The following SGSM3 variants were observed in gnomAD, a reference collection of about 807,000 sequenced individuals.
SGSM3 encodes small G protein signaling modulator 3, also known as RUN and SH3 containing 3.
In SGSM3, 96 loss-of-function variants were observed where a neutral mutation model predicts 100.5. The observed-to-expected ratio is 0.96, with a 90% confidence interval of 0.81 to 1.13. The LOEUF is 1.13. Ranked by LOEUF, SGSM3 falls within the 50% of genes most tolerant of loss-of-function variation. SGSM3 has a pLI of 0.00. For synonymous variants in SGSM3, 483 were observed against 422.8 expected (o/e 1.14, Z -1.75); for missense variants, 1,001 against 1,015.8 (o/e 0.99, Z 0.20).
Position 40,409,928 on chromosome 22 carries a change from G to A in SGSM3, c.*169G>A, listed in dbSNP as rs2052372473. ...GCACATCCCAGGTGGTGGGAGCAGA[G>A]GGTACCCTGCCCCACCAGGGTCCTT... On this transcript the variant is annotated 3_prime_UTR_variant, in exon 22 of 22. Coordinates refer to ENST00000248929, the MANE Select transcript of SGSM3 (RefSeq NM_015705.6). 1 of 1,407,080 alleles carries A rather than the reference G, an allele frequency of 7.1e-7. No homozygotes were observed. The highest frequency in any genetic ancestry group is 1.7e-5 in the South Asian group (1 of 59,914). The allele number at this position is 1,407,080 out of a possible 1,614,324, so 87.2% of individuals were successfully genotyped here. A position where few individuals can be genotyped will look rare whatever the true frequency, so the allele number is the denominator to read the frequency against.
Position 40,402,168 on chromosome 22 carries a change from C to T in SGSM3, c.120C>T (p.Phe40=). ...QKEESAEQPE[F]YYDEFGFRVY... ...AAGAGTCAGCAGAGCAACCAGAGTT[C>T]TACTACGATGAGTTTGGTTTCCGTG... Residue 40 remains phenylalanine, a synonymous_variant, in exon 4 of 22, where the codon TTC becomes TTT. Transcript: ENST00000248929. 1 of 1,614,008 alleles carries T rather than the reference C, an allele frequency of 6.2e-7. No individual in the cohort carries two copies. Among genetic ancestry groups the T allele is most frequent in the Non-Finnish European group, 8.5e-7 (1 of 1,179,876 alleles).
Position 40,405,176 on chromosome 22 carries a change from C to T in SGSM3, c.510C>T (p.Asn170=), listed in dbSNP as rs371621662. The change falls in exon 7 of 22, where the codon AAC becomes AAT. Residue 170 remains asparagine, a synonymous_variant. Coordinates refer to ENST00000248929, the MANE Select transcript of SGSM3 (RefSeq NM_015705.6). ...ACCTGCTCCGCACCATGCCCAGCAA[C>T]GCCTGCTTCGCCAGCATGGGTAGCA... ...EKDLLRTMPS[N]ACFASMGSIG... The T allele has an allele frequency of 4.9e-5, 78 of 1,578,398 alleles. 1 individual carries two copies. In the South Asian group the frequency reaches 6.1e-4, roughly 12 times the overall value.
chr22:40,380,915 A>G (rs1322004318), intron 1 of SGSM3, among the ~76,000 whole-genome samples: 3 of 152,132 alleles, frequency 2.0e-5, no homozygotes, highest in Non-Finnish European at 4.4e-5. Context: ...AGCCTGGACA[A>G]CAGAGCAAGA....
intron 1 of SGSM3, chr22:40,390,358 TCA>T (rs1445621478): frequency 6.6e-6 from 1 of 152,236 alleles, no homozygotes; most frequent in African/African-American, 2.4e-5. Flanking sequence ...ACAAGTATTT[TCA>T]CATTCTTCTC....
intron 4 of SGSM3, among the ~76,000 whole-genome samples, chr22:40,403,697 T>C (rs549436293): frequency 8.6e-4 from 131 of 152,272 alleles, no homozygotes; most frequent in African/African-American, 3.0e-3. Flanking sequence ...AGCCCTTGGC[T>C]TTAAGTCTCA....
intron 1 of SGSM3, among the ~76,000 whole-genome samples, chr22:40,397,106 T>C (rs1470828978): frequency 1.3e-5 from 2 of 152,196 alleles, no homozygotes; most frequent in Non-Finnish European, 2.9e-5. Flanking sequence ...TCAGGAAGGT[T>C]TCCATAGCGA....
chr22:40,409,074 C>T lies in SGSM3; in HGVS notation c.1988+56C>T, dbSNP rs1247943728. 89 of 1,551,446 alleles carry T rather than the reference C, an allele frequency of 5.7e-5. 2 individuals are homozygous for T. The South Asian group carries it at 9.2e-4, about 16-fold the overall frequency. On this transcript the variant is annotated intron_variant, in intron 19 of 21. Coordinates refer to ENST00000248929, the MANE Select transcript of SGSM3 (RefSeq NM_015705.6). ...CCTGGAGTGGGGGGACCCAGCCCAG[C>T]ATCAGGGGGGGTCCTTACAGGGAAC...
rs536544956 is a variant in SGSM3 at position 40,383,978 on chromosome 22, A to G, written c.-112+13290A>G. Among the ~76,000 whole-genome samples the G allele has an allele frequency of 3.3e-5, 5 of 152,328 alleles. No homozygotes were observed. In the East Asian group the frequency reaches 7.7e-4, roughly 24 times the overall value. ...AAAGCAGGAGCCAAGGCCAGGCATC[A>G]TGGCTCATGCCTGTAATCCTAACAC... is the stretch of plus-strand genomic sequence containing the variant. On this transcript the variant is annotated intron_variant, in intron 1 of 21. Transcript: ENST00000248929.
At position 40,407,930 on chromosome 22, in the gene SGSM3, G is replaced by A; in HGVS notation, c.1579+87G>A. The A allele has an allele frequency of 2.7e-6, 4 of 1,477,592 alleles. No individual in the cohort carries two copies. The highest frequency in any genetic ancestry group is 3.7e-6 in the Non-Finnish European group (4 of 1,076,862). 91.5% of individuals were successfully genotyped at this position (1,477,592 alleles called of 1,614,324 possible). A position where few individuals can be genotyped will look rare whatever the true frequency, so the allele number is the denominator to read the frequency against. On this transcript the variant is annotated intron_variant, in intron 14 of 21. Coordinates refer to ENST00000248929, the MANE Select transcript of SGSM3 (RefSeq NM_015705.6). This position sits in a 1 kb window ranked among gnomAD's most constrained non-coding sequence, Gnocchi z 4.7. ...GGGTGACCCTGGCCGCCACCAAGCT[G>A]TTCTCCTCTATACACCTGCCTGGCT...
At chr22:40,392,495 A>G (rs778744967) in intron 1 of SGSM3, among the ~76,000 whole-genome samples, 20 of 152,134 alleles carry the variant, frequency 1.3e-4, no homozygotes, top group Non-Finnish European at 2.9e-5. Flanking sequence ...TAAGCATTAA[A>G]TCTCAGCAGA....
intron 19 of SGSM3, 88 bp downstream of exon 19, chr22:40,409,106 G>C: frequency 6.4e-7 from 1 of 1,552,084 alleles, no homozygotes; most frequent in Non-Finnish European, 8.7e-7. Flanking sequence ...GAACCCTAAA[G>C]GACAAAGAAC....
chr22:40,391,020 T>G (rs1407656286), intron 1 of SGSM3, among the ~76,000 whole-genome samples: 1 of 152,082 alleles, frequency 6.6e-6, no homozygotes, highest in Non-Finnish European at 1.5e-5. Flanking sequence ...AACAGCAGCA[T>G]GTACAATGAT....
chr22:40,407,161 G>A lies in SGSM3; in HGVS notation c.1241-40G>A. ...CGTGGAGCTTCCTCCTCGGGGGCCT[G>A]GAGTGGGCTGTGGTCACCATGGTTC... On this transcript the variant is annotated intron_variant, in intron 11 of 21. Transcript: ENST00000248929. This position sits in a 1 kb window ranked among gnomAD's most constrained non-coding sequence, Gnocchi z 4.7. The A allele has an allele frequency of 6.2e-7, 1 of 1,612,812 alleles. No individual in the cohort carries two copies. Among genetic ancestry groups the A allele is most frequent in the Non-Finnish European group, 8.5e-7 (1 of 1,179,316 alleles).
chr22:40,389,877 C>T (rs2049109028), intron 1 of SGSM3, among the ~76,000 whole-genome samples: 1 of 145,958 alleles, frequency 6.9e-6, no homozygotes, highest in Admixed American at 6.9e-5. Flanking sequence ...GCACTCCAGC[C>T]TGGGCAACAA....
Position 40,407,651 on chromosome 22 carries a change from T to C in SGSM3, c.1524+83T>C. 1.3e-6 allele frequency: 2 copies of C among 1,578,182 alleles called. No individual in the cohort carries two copies. Among genetic ancestry groups the C allele is most frequent in the Non-Finnish European group, 1.7e-6 (2 of 1,159,674 alleles). ...CTCCACCAAGCCCCACCCCAACCCC[T>C]TTCCCTGCCAAGAGCTTCTCTTGTG... On this transcript the variant is annotated intron_variant, in intron 13 of 21. Transcript: ENST00000248929. This position sits in a 1 kb window ranked among gnomAD's most constrained non-coding sequence, Gnocchi z 4.7.
intron 16 of SGSM3, 49 bp from the exon 17 acceptor site, chr22:40,408,578 A>G: frequency 6.2e-7 from 1 of 1,609,278 alleles, no homozygotes; most frequent in African/African-American, 1.3e-5. Context: ...AAGGGCTTTG[A>G]ACCAGCATCT....
chr22:40,405,419 C>A, intron 7 of SGSM3, 135 bp downstream of exon 7: 1 of 946,344 alleles, frequency 1.1e-6, no homozygotes, highest in Non-Finnish European at 1.5e-6. Flanking sequence ...GCCTCCCACT[C>A]CGGGGCGTCC....
chr22:40,402,302 C>G, intron 4 of SGSM3, 97 bp downstream of exon 4: 2 of 914,600 alleles, frequency 2.2e-6, no homozygotes, highest in South Asian at 1.3e-5. Context: ...TGGCTGAGCT[C>G]TGATGCGTCA....
Position 40,404,543 on chromosome 22 carries a change from C to T in SGSM3, c.367-14C>T, listed in dbSNP as rs2051187663. On this transcript the variant is annotated splice_polypyrimidine_tract_variant and intron_variant, in intron 5 of 21. Coordinates refer to ENST00000248929, the MANE Select transcript of SGSM3 (RefSeq NM_015705.6). ...CGAGAAAGACTGAGTGCCCTTGCGG[C>T]TCCCTTCCCTCAGCTGTGGATGCGG... is the stretch of plus-strand genomic sequence containing the variant. 2 of 1,612,298 alleles carry T rather than the reference C, an allele frequency of 1.2e-6. No homozygotes were observed. The highest frequency in any genetic ancestry group is 4.5e-5 in the East Asian group (2 of 44,818).
Sources: allele counts gnomAD v4.1 joint callset (sites outside exome capture counted in the v4.1 genomes callset), GRCh38; gene constraint gnomAD v4.1.1; non-coding constraint Gnocchi (gnomAD v3.1); transcripts MANE v1.5; gene names NCBI Gene and HGNC (gene_info 2026-07-23, HGNC 2026-07-21).